Variants in DCST2 observed in about 807,000 individuals in gnomAD.
The protein encoded by DCST2 is DC-STAMP domain containing 2.
DCST2 carries 64 observed loss-of-function variants against 81.8 expected under a neutral mutation model. The observed-to-expected ratio is 0.78, with a 90% CI of 0.64 to 0.96. The LOEUF is 0.96. DCST2 is among the 40% of genes least tolerant of loss of function. The pLI is 0.00. For synonymous variants in DCST2, 354 were observed against 402.6 expected, an observed-to-expected ratio of 0.88 and a Z score of 1.44; for missense variants, 945 against 1,001.4, an observed-to-expected ratio of 0.94 and a Z score of 0.76.
chr1:155,031,515 T>TGGG, intron 4 of DCST2, 59 bp downstream of exon 4: 7 of 643,126 alleles, frequency 1.1e-5, no homozygotes, highest in Non-Finnish European at 2.0e-5. Flanking sequence ...ACCCCCACAT[T>TGGG]CCCACCCCAC....
intron 7 of DCST2, among the ~76,000 whole-genome samples, chr1:155,029,829 G>T (rs1660015830): frequency 6.6e-6 from 1 of 152,216 alleles, no homozygotes; most frequent in African/African-American, 2.4e-5. Context: ...AGCACCATCT[G>T]CCCCTCTTGT....
chr1:155,019,389 G>GAGGACCCACCCAATTCT (rs1451548947), intron 14 of DCST2, among the ~76,000 whole-genome samples: 4 of 152,314 alleles, frequency 2.6e-5, no homozygotes, highest in African/African-American at 9.6e-5. Context: ...CTCGTCGCTA[G>GAGGACCCACCCAATTCT]AGGACCCACC....
chr1:155,023,437 A>T lies in DCST2; in HGVS notation c.1891T>A (p.Phe631Ile). 1 of 1,600,730 alleles carries T rather than the reference A, an allele frequency of 6.2e-7. No homozygotes were observed. The highest frequency in any genetic ancestry group is 1.7e-5 in the Admixed American group (1 of 57,798). ...GAGCAGGTATTGTCCAGGAGGCGGAAGCAAGTGAGGCAGTAGAGACCTGGT... is the reference window on the plus strand; with the variant it reads ...GAGCAGGTATTGTCCAGGAGGCGGATGCAAGTGAGGCAGTAGAGACCTGGT... ...GCQGLYCLTCFRLLDNTCSVC... is the reference protein window; with the variant it reads ...GCQGLYCLTCIRLLDNTCSVC... Residue 631 changes from phenylalanine (F) to isoleucine (I), a missense_variant, in exon 13 of 15, where the codon TTC becomes ATC. Phe to Ile is a conservative substitution (Grantham distance 21). Coordinates refer to ENST00000368424, the MANE Select transcript of DCST2 (RefSeq NM_144622.3).
intron 3 of DCST2, 136 bp from the exon 4 acceptor site, chr1:155,031,907 C>T: frequency 7.8e-6 from 7 of 900,558 alleles, no homozygotes; most frequent in Non-Finnish European, 1.2e-5. Flanking sequence ...GTCCAGTGAA[C>T]ACTAGCCAGC....
chr1:155,018,819 C>A, intron 14 of DCST2, 59 bp from the exon 15 acceptor site: 2 of 1,489,266 alleles, frequency 1.3e-6, no homozygotes, highest in Admixed American at 3.9e-5. Context: ...ACAGGTGCAT[C>A]CCTGCCCCCT....
rs1389120652 is a variant in DCST2 at position 155,033,465 on chromosome 1, A to T, written c.237T>A (p.Thr79=). ...AGGCCTGAGGCAGCAGCAGGAGGAC[A>T]GTGGCTCGGACCTGGCGAGAGAATC... ...GMGFSRQVRA[T]VLLLLPQAFS... The change falls in exon 1 of 15, where the codon ACT becomes ACA. Residue 79 remains threonine (T), a synonymous_variant. Coordinates refer to ENST00000368424, the MANE Select transcript of DCST2 (RefSeq NM_144622.3). 3.1e-6 allele frequency: 5 copies of T among 1,613,792 alleles called. No homozygotes were observed. Among genetic ancestry groups the T allele is most frequent in the South Asian group, 1.1e-5 (1 of 91,088 alleles).
Position 155,029,293 on chromosome 1 carries a change from C to T in DCST2, c.1282G>A (p.Ala428Thr), listed in dbSNP as rs773215070. The change falls in exon 8 of 15, where the codon GCT (alanine) becomes ACT (threonine). Residue 428 changes from alanine to threonine, a missense_variant. By Grantham distance (58) the Ala-to-Thr change is moderately conservative. Transcript: ENST00000368424. ...GCCAGGTCAAGCACCCAGAAGACAG[C>T]ATAGTCTAGGAAGACTAGGAACAGC... is the stretch of plus-strand genomic sequence containing the variant. ...LVLFLVFLDY[A>T]VFWVLDLARH... The T allele has an allele frequency of 2.5e-6, 4 of 1,614,094 alleles. No homozygotes were observed. The highest frequency in any genetic ancestry group is 3.4e-6 in the Non-Finnish European group (4 of 1,180,000).
At position 155,029,266 on chromosome 1, in the gene DCST2, G is replaced by A. The variant is rs762986521; in HGVS notation, c.1309C>T (p.Arg437Trp). The A allele has an allele frequency of 2.5e-5, 41 of 1,613,784 alleles. No individual in the cohort carries two copies. Among genetic ancestry groups the A allele is most frequent in the South Asian group, 7.7e-5 (7 of 91,066 alleles). ...YAVFWVLDLARHQLQGEIVAR... is the reference protein window; with the variant it reads ...YAVFWVLDLAWHQLQGEIVAR... ...ACAATCTCCCCCTGCAGCTGGTGCC[G>A]GGCCAGGTCAAGCACCCAGAAGACA... The change falls in exon 8 of 15, where the codon CGG (arginine) becomes TGG (tryptophan). Residue 437 changes from arginine to tryptophan, a missense_variant. Coordinates refer to ENST00000368424, the MANE Select transcript of DCST2 (RefSeq NM_144622.3).
chr1:155,020,533 T>C (rs1424772175), intron 14 of DCST2, among the ~76,000 whole-genome samples: 1 of 151,824 alleles, frequency 6.6e-6, no homozygotes, highest in Non-Finnish European at 1.5e-5. Context: ...CCATGCCTAA[T>C]TTTTTGTATT....
intron 8 of DCST2, 33 bp from the exon 9 acceptor site, chr1:155,026,748 T>A: frequency 1.2e-6 from 2 of 1,611,630 alleles, no homozygotes; most frequent in Non-Finnish European, 1.7e-6. Context: ...GTGACACTCA[T>A]GGCAGTTGCT....
intron 14 of DCST2, among the ~76,000 whole-genome samples, 189 bp from the exon 15 acceptor site, chr1:155,018,949 G>T (rs1280588154): frequency 1.3e-5 from 2 of 152,170 alleles, no homozygotes; most frequent in Admixed American, 6.5e-5. Flanking sequence ...GCTGATGCTG[G>T]GGGGTGGGCA....
At chr1:155,030,851 T>A (rs376878032) in intron 5 of DCST2, 1 of 618,300 alleles carries the variant, frequency 1.6e-6, no homozygotes, top group African/African-American at 1.8e-5. Flanking sequence ...GCACCCAGCA[T>A]GACACAGGGC....
At chr1:155,027,838 C>T (rs1005605593) in intron 8 of DCST2, among the ~76,000 whole-genome samples, 1 of 152,070 alleles carries the variant, frequency 6.6e-6, no homozygotes, top group Admixed American at 6.5e-5. Context: ...GCTAGGATTA[C>T]AGGCGTGAGC....
rs767523002 is a variant in DCST2 at position 155,030,650 on chromosome 1, G to C, written c.806-5C>G. 1.2e-6 allele frequency: 2 copies of C among 1,613,970 alleles called. No individual in the cohort carries two copies. Among genetic ancestry groups the C allele is most frequent in the South Asian group, 2.2e-5 (2 of 91,080 alleles). ...GGTTGAGCAACTGAATCACGGCTGG[G>C]GCCAGCAGGTTCAGGGGAGACGTGG... On this transcript the variant is annotated splice_polypyrimidine_tract_variant and splice_region_variant and intron_variant, in intron 5 of 14. Coordinates refer to ENST00000368424, the MANE Select transcript of DCST2 (RefSeq NM_144622.3).
Position 155,033,370 on chromosome 1 carries a change from A to G in DCST2, c.268+64T>C. Reference sequence around the variant, plus strand: ...TTCCCTTAACCCCTGCCTCTCCTCCAGCATCTCTTCTGCCCCAGCACCAGC... The same window carrying G: ...TTCCCTTAACCCCTGCCTCTCCTCCGGCATCTCTTCTGCCCCAGCACCAGC... On this transcript the variant is annotated intron_variant, in intron 1 of 14. Coordinates refer to ENST00000368424, the MANE Select transcript of DCST2 (RefSeq NM_144622.3). The G allele has an allele frequency of 1.9e-6, 3 of 1,592,564 alleles. No homozygotes were observed. In the South Asian group the frequency reaches 3.4e-5, roughly 18 times the overall value.
chr1:155,025,422 G>A (rs536403683), intron 10 of DCST2, among the ~76,000 whole-genome samples: 11 of 151,666 alleles, frequency 7.3e-5, no homozygotes, highest in South Asian at 2.1e-4. Flanking sequence ...TCCACCTTCC[G>A]GGTTCAAGCA....
intron 10 of DCST2, among the ~76,000 whole-genome samples, chr1:155,024,939 G>A (rs576087839): frequency 3.8e-4 from 58 of 152,058 alleles, no homozygotes; most frequent in African/African-American, 1.1e-3. Context: ...ACCTGAGGTC[G>A]GGAGTTCAAG....
intron 14 of DCST2, among the ~76,000 whole-genome samples, chr1:155,019,530 C>G (rs1041987077): frequency 3.3e-5 from 5 of 152,234 alleles, no homozygotes. Context: ...GCCATGGCCC[C>G]CTCTCTGAGT....
intron 11 of DCST2, 150 bp downstream of exon 11, chr1:155,024,321 AT>A (rs1367103129): frequency 9.0e-7 from 1 of 1,106,840 alleles, no homozygotes. Flanking sequence ...AAAAAAAAGA[AT>A]TCCCACCTTT....
Sources: gnomAD v4.1 joint callset for allele counts (sites outside exome capture counted in the v4.1 genomes callset) on GRCh38, gnomAD v4.1.1 for gene constraint, MANE v1.5 for transcripts, NCBI Gene and HGNC (gene_info 2026-07-23, HGNC 2026-07-21) for gene names.